TASP1: variants seen among roughly 807,000 people sequenced by gnomAD.
TASP1 encodes threonine aspartase 1.
Under a neutral mutation model 56.6 loss-of-function variants are expected in TASP1, and 16 were observed. The observed-to-expected ratio is 0.28, with a 90% CI of 0.19 to 0.43. The LOEUF (loss-of-function observed/expected upper bound fraction) is 0.43, where lower values mean the gene tolerates loss of function less well. TASP1 is among the 20% of genes least tolerant of loss of function. The pLI is 1.00. For missense variants in TASP1, 393 were observed against 511.6 expected (o/e 0.77, Z 2.24); for synonymous variants, 179 against 184.2 (o/e 0.97, Z 0.23).
At chr20:13,148,058 C>A in the TASP1 span, among the ~76,000 whole-genome samples, 1 of 152,150 alleles carries the variant, frequency 6.6e-6, no homozygotes, top group Non-Finnish European at 1.5e-5. Context: ...AATGGTTTAA[C>A]AGAGAAGAAA....
chr20:13,534,065 G>C lies in TASP1; in HGVS notation c.752C>G (p.Ser251Cys). Residue 251 changes from serine (S) to cysteine (C), a missense_variant, in exon 9 of 14, where the codon TCC (serine) becomes TGC (cysteine). By Grantham distance (112) the Ser-to-Cys change is moderately radical. Coordinates refer to ENST00000337743, the MANE Select transcript of TASP1 (RefSeq NM_017714.3). The stretch of plus-strand genomic sequence containing the variant: ...ATGTTTCAAGGCCAAGCCTCCACTG[G>C]AGACAGCAGCAGCAACATTCCCTTC... ...DHEGNVAAAVSSGGLALKHPG... is the reference protein window; with the variant it reads ...DHEGNVAAAVCSGGLALKHPG... The C allele has an allele frequency of 6.2e-7, 1 of 1,613,570 alleles. No homozygotes were observed. Among genetic ancestry groups the C allele is most frequent in the South Asian group, 1.1e-5 (1 of 91,050 alleles).
At chr20:13,414,500 T>C (rs1317300738) in intron 13 of TASP1, among the ~76,000 whole-genome samples, 1 of 152,158 alleles carries the variant, frequency 6.6e-6, no homozygotes, top group Admixed American at 6.5e-5. Context: ...TCAAGGAAAT[T>C]TTTATAACAG....
intron 7 of TASP1, among the ~76,000 whole-genome samples, chr20:13,565,965 T>C (rs1187447506): frequency 6.6e-6 from 1 of 152,062 alleles, no homozygotes; most frequent in African/African-American, 2.4e-5. Context: ...AGTGGATGAG[T>C]AGATAAACAA....
intron 10 of TASP1, among the ~76,000 whole-genome samples, chr20:13,500,923 T>C (rs1601019062): frequency 6.6e-6 from 1 of 151,900 alleles, no homozygotes. Flanking sequence ...GCAAATACTA[T>C]CACATTTAAG....
intron 6 of TASP1, among the ~76,000 whole-genome samples, chr20:13,573,473 T>C (rs1411907787): frequency 2.6e-5 from 4 of 152,204 alleles, no homozygotes; most frequent in African/African-American, 7.2e-5. Flanking sequence ...GATATTAAGG[T>C]GTTTTGTTAT....
the TASP1 span, among the ~76,000 whole-genome samples, chr20:13,274,052 C>T: frequency 3.2e-4 from 33 of 103,808 alleles, no homozygotes; most frequent in Admixed American, 1.8e-3. Context: ...CTTCTGTTGG[C>T]GTGTAATTGT....
chr20:13,416,559 T>A (rs2042262004), intron 13 of TASP1, among the ~76,000 whole-genome samples: 1 of 152,238 alleles, frequency 6.6e-6, no homozygotes, highest in Admixed American at 6.5e-5. Context: ...ATTATATTTA[T>A]CCTTTATGAT....
the TASP1 span, among the ~76,000 whole-genome samples, chr20:13,375,231 C>T: frequency 3.3e-5 from 5 of 151,810 alleles, no homozygotes; most frequent in Admixed American, 6.6e-5. Context: ...TATCCCTCCC[C>T]GAGCCCCCCA....
intron 8 of TASP1, among the ~76,000 whole-genome samples, chr20:13,554,670 TG>T (rs33930783): frequency 0.011 from 1,690 of 152,298 alleles, 41 homozygotes; most frequent in African/African-American, 0.038. Context: ...ATAAATATTT[TG>T]GTTTCCGAGT....
chr20:13,297,370 G>A, the TASP1 span, among the ~76,000 whole-genome samples: 1 of 152,114 alleles, frequency 6.6e-6, no homozygotes, highest in Non-Finnish European at 1.5e-5. Context: ...GTGGTTACTC[G>A]TTTGCTCCAC....
chr20:13,322,685 A>G, the TASP1 span, among the ~76,000 whole-genome samples: 1 of 152,240 alleles, frequency 6.6e-6, no homozygotes, highest in East Asian at 1.9e-4. Context: ...AGGAGACAGG[A>G]TAAGGAATAG....
At chr20:13,437,207 C>T (rs974580623) in intron 11 of TASP1, among the ~76,000 whole-genome samples, 9 of 152,190 alleles carry the variant, frequency 5.9e-5, no homozygotes, top group East Asian at 1.9e-4. Flanking sequence ...GTTCAACATA[C>T]GAAAATCAAT....
At chr20:13,143,027 C>T in the TASP1 span, among the ~76,000 whole-genome samples, 9 of 152,156 alleles carry the variant, frequency 5.9e-5, no homozygotes, top group Admixed American at 3.9e-4. Context: ...AAGTTTTGTG[C>T]CCTTTGTAAA....
At chr20:13,379,422 T>C in the TASP1 span, among the ~76,000 whole-genome samples, 1 of 152,248 alleles carries the variant, frequency 6.6e-6, no homozygotes, top group African/African-American at 2.4e-5. Flanking sequence ...TTCTGGCTTA[T>C]AGGGTTTCTG....
chr20:13,170,884 G>A, the TASP1 span, among the ~76,000 whole-genome samples: 71,282 of 151,876 alleles, frequency 0.47, 16,897 homozygotes, highest in East Asian at 0.63. Flanking sequence ...TGAAGCATGC[G>A]TGGACTAAAG....
chr20:13,466,407 G>C (rs1435874907), intron 11 of TASP1, among the ~76,000 whole-genome samples: 2 of 152,066 alleles, frequency 1.3e-5, no homozygotes, highest in African/African-American at 4.8e-5. Flanking sequence ...CTTCAGTTTT[G>C]ATCACCTTAC....
intron 11 of TASP1, among the ~76,000 whole-genome samples, chr20:13,448,859 C>T (rs6105105): frequency 0.059 from 8,915 of 151,638 alleles, 364 homozygotes; most frequent in African/African-American, 0.12. Flanking sequence ...AAAAACAGGA[C>T]GAAAAGAACA....
the TASP1 span, among the ~76,000 whole-genome samples, chr20:13,106,407 G>A: frequency 6.6e-6 from 1 of 152,084 alleles, no homozygotes; most frequent in Non-Finnish European, 1.5e-5. Context: ...TAGACAAGTC[G>A]GGAGGGACAC....
At chr20:13,421,261 G>A (rs1397373471) in intron 12 of TASP1, among the ~76,000 whole-genome samples, 1 of 151,790 alleles carries the variant, frequency 6.6e-6, no homozygotes, top group African/African-American at 2.4e-5. Context: ...TTTTAGTAGA[G>A]ACAGGGTTTC....
Sources: allele counts gnomAD v4.1 joint callset (sites outside exome capture counted in the v4.1 genomes callset), GRCh38; gene constraint gnomAD v4.1.1; transcripts MANE v1.5; gene names NCBI Gene and HGNC (gene_info 2026-07-23, HGNC 2026-07-21).